CFTR: variants seen among roughly 807,000 people sequenced by gnomAD.
CFTR encodes the protein cystic fibrosis transmembrane conductance regulator.
A neutral mutation model predicts 171.6 loss-of-function variants in CFTR; 181 were observed. The ratio of observed to expected loss-of-function variants is 1.05; its 90% CI spans 0.93 to 1.19. The LOEUF (loss-of-function observed/expected upper bound fraction) is 1.19. Ranked by LOEUF, CFTR falls within the 50% of genes most tolerant of loss-of-function variation. CFTR has a pLI of 0.00. For synonymous variants in CFTR, 583 were observed against 608.0 expected, an observed-to-expected ratio of 0.96 and a Z score of 0.60; for missense variants, 1,968 against 1,734.7, an observed-to-expected ratio of 1.13 and a Z score of -2.39.
intron 11 of CFTR, among the ~76,000 whole-genome samples, chr7:117,571,392 G>A (rs886260879): frequency 1.3e-5 from 2 of 152,142 alleles, no homozygotes; most frequent in African/African-American, 4.8e-5. Flanking sequence ...TAGCATTTTA[G>A]GCAGCATTTG....
intron 1 of CFTR, among the ~76,000 whole-genome samples, chr7:117,501,776 C>CAAAAAAAAAAAAA (rs796991857): frequency 2.4e-5 from 2 of 84,338 alleles, no homozygotes. Flanking sequence ...AAAAAAGAAA[C>CAAAAAAAAAAAAA]AAAAAAAAAA....
intron 21 of CFTR, among the ~76,000 whole-genome samples, chr7:117,615,232 C>A (rs553253139): frequency 6.6e-6 from 1 of 151,948 alleles, no homozygotes; most frequent in Non-Finnish European, 1.5e-5. Context: ...TCATTTGTCA[C>A]CTAGTTTTTT....
chr7:117,634,448 A>T (rs1281304227), intron 22 of CFTR, among the ~76,000 whole-genome samples: 1 of 151,388 alleles, frequency 6.6e-6, no homozygotes. Context: ...TGTTTTATTG[A>T]TTTTCTCTGT....
At chr7:117,501,170 A>G (rs1222166343) in intron 1 of CFTR, among the ~76,000 whole-genome samples, 2 of 152,224 alleles carry the variant, frequency 1.3e-5, no homozygotes, top group African/African-American at 4.8e-5. Context: ...AATTTCAAAC[A>G]TATTGAAAAT....
chr7:117,499,532 A>G (rs1490115501), intron 1 of CFTR, among the ~76,000 whole-genome samples: 1 of 146,538 alleles, frequency 6.8e-6, no homozygotes, highest in Non-Finnish European at 1.5e-5. Flanking sequence ...TGAACAGAAC[A>G]GTGTATCTAG....
intron 23 of CFTR, among the ~76,000 whole-genome samples, chr7:117,652,042 A>G (rs1467094452): frequency 6.6e-6 from 1 of 152,224 alleles, no homozygotes; most frequent in Admixed American, 6.6e-5. Context: ...CAGAGAACTA[A>G]GTATTATTAT....
chr7:117,490,142 A>G (rs1040327254), intron 1 of CFTR, among the ~76,000 whole-genome samples: 1 of 151,946 alleles, frequency 6.6e-6, no homozygotes, highest in East Asian at 1.9e-4. Context: ...TCACTTATTA[A>G]CAATGTGATC....
At chr7:117,597,617 T>C (rs369709615) in intron 15 of CFTR, among the ~76,000 whole-genome samples, 23 of 152,374 alleles carry the variant, frequency 1.5e-4, no homozygotes, top group Middle Eastern at 3.4e-3. Flanking sequence ...TATTATTAAA[T>C]ATGCAGGCAA....
At chr7:117,517,426 T>C (rs1406410054) in intron 3 of CFTR, among the ~76,000 whole-genome samples, 1 of 152,210 alleles carries the variant, frequency 6.6e-6, no homozygotes, top group Non-Finnish European at 1.5e-5. Flanking sequence ...ATGGTATATA[T>C]GTGCCACATT....
chr7:117,553,700 C>A (rs1053891870), intron 10 of CFTR, among the ~76,000 whole-genome samples: 1 of 152,050 alleles, frequency 6.6e-6, no homozygotes, highest in African/African-American at 2.4e-5. Flanking sequence ...GAATTTCTCT[C>A]TATATAAAGT....
chr7:117,657,202 T>C (rs987537151), intron 24 of CFTR, among the ~76,000 whole-genome samples: 1 of 152,318 alleles, frequency 6.6e-6, no homozygotes, highest in East Asian at 1.9e-4. Flanking sequence ...ATCATAAATA[T>C]AATCTAAAAT....
chr7:117,547,937 C>T (rs1272260517), intron 9 of CFTR, among the ~76,000 whole-genome samples: 1 of 152,146 alleles, frequency 6.6e-6, no homozygotes, highest in African/African-American at 2.4e-5. Flanking sequence ...CTGCTTCCTC[C>T]TGATCAATCT....
intron 22 of CFTR, among the ~76,000 whole-genome samples, chr7:117,635,911 T>C (rs1792820233): frequency 1.3e-5 from 2 of 152,178 alleles, no homozygotes; most frequent in South Asian, 4.1e-4. Context: ...AAAATAGTTC[T>C]AATTTTATTA....
chr7:117,621,181 G>T (rs916534770), intron 21 of CFTR, among the ~76,000 whole-genome samples: 1 of 152,132 alleles, frequency 6.6e-6, no homozygotes, highest in Non-Finnish European at 1.5e-5. Flanking sequence ...CTCTTGGTAG[G>T]GGGCAGGGTG....
chr7:117,633,307 A>G (rs1792778344), intron 22 of CFTR, among the ~76,000 whole-genome samples: 2 of 152,018 alleles, frequency 1.3e-5, no homozygotes, highest in African/African-American at 4.8e-5. Flanking sequence ...TCAAATTCCA[A>G]TTTTTCATTG....
rs866005549 is a variant in CFTR at position 117,612,021 on chromosome 7, A to G, written c.3367+213A>G. 2.3e-3 allele frequency among the ~76,000 whole-genome samples: 120 copies of G among 52,370 alleles called. 1 individual carries two copies. The highest frequency in any genetic ancestry group is 0.013 in the South Asian group (21 of 1,632). 34.4% of individuals were successfully genotyped at this position (52,370 alleles called of 152,430 possible). A position where few individuals can be genotyped will look rare whatever the true frequency, so the allele number is the denominator to read the frequency against. ...CTTGAAATCGGATATATATATATAT[A>G]TGTATATATATATATATATATATAT... On this transcript the variant is annotated intron_variant, in intron 20 of 26. Transcript: ENST00000003084.
chr7:117,536,108 A>G (rs1798950762), intron 6 of CFTR, among the ~76,000 whole-genome samples: 1 of 152,212 alleles, frequency 6.6e-6, no homozygotes, highest in East Asian at 1.9e-4. Flanking sequence ...GAGTGAATGA[A>G]TGACTTACAC....
intron 15 of CFTR, among the ~76,000 whole-genome samples, chr7:117,595,630 T>C (rs1247978073): frequency 6.6e-6 from 1 of 152,018 alleles, no homozygotes; most frequent in Non-Finnish European, 1.5e-5. Flanking sequence ...ATGCCTGTAA[T>C]CCCAGAATTT....
chr7:117,498,376 A>C (rs539949416), intron 1 of CFTR, among the ~76,000 whole-genome samples: 1 of 152,260 alleles, frequency 6.6e-6, no homozygotes, highest in East Asian at 1.9e-4. Context: ...TAAATTCACC[A>C]TTTTATGGAG....
Sources: gnomAD v4.1 joint callset for allele counts (sites outside exome capture counted in the v4.1 genomes callset) on GRCh38, gnomAD v4.1.1 for gene constraint, MANE v1.5 for transcripts, NCBI Gene and HGNC (gene_info 2026-07-23, HGNC 2026-07-21) for gene names.